GRAMD1B: variants seen among roughly 807,000 people sequenced by gnomAD.
GRAMD1B encodes the protein protein Aster-B.
In GRAMD1B, 37 loss-of-function variants were observed where a neutral mutation model predicts 99.7. The observed-to-expected ratio is 0.37, with a 90% confidence interval of 0.29 to 0.49. The LOEUF (loss-of-function observed/expected upper bound fraction) is 0.49. Ranked by LOEUF, GRAMD1B falls within the 20% of genes least tolerant of loss-of-function variation. The probability of loss-of-function intolerance (pLI) is 0.98; values close to 1 mark genes in which losing one functional copy is unlikely to be tolerated. For synonymous variants in GRAMD1B, 427 were observed against 387.6 expected (o/e 1.10, Z -1.19); for missense variants, 888 against 1,009.2 (o/e 0.88, Z 1.63).
At chr11:123,464,699 C>CCAAGGTGG (rs1950583930) in intron 1 of GRAMD1B, among the ~76,000 whole-genome samples, 1 of 152,030 alleles carries the variant, frequency 6.6e-6, no homozygotes, top group African/African-American at 2.4e-5. Flanking sequence ...TCTTATGCAG[C>CCAAGGTGG]CAAGGTGGTA....
Position 123,557,974 on chromosome 11 carries a change from C to T in GRAMD1B, c.453-19393C>T, listed in dbSNP as rs540799915. ...TTAATGGAGGAAAGGACATTCAGTG[C>T]AACTTTTTTTTTTTTTTTTTTTTTT... On this transcript the variant is annotated intron_variant, in intron 2 of 19. Coordinates refer to ENST00000635736, the MANE Select transcript of GRAMD1B (RefSeq NM_001387025.1). 3.1e-3 allele frequency among the ~76,000 whole-genome samples: 367 copies of T among 118,282 alleles called. 1 individual carries two copies. Among genetic ancestry groups the T allele is most frequent in the African/African-American group, 9.6e-3 (319 of 33,228 alleles). The allele number at this position is 118,282 out of a possible 152,430, so 77.6% of individuals were successfully genotyped here.
intron 3 of GRAMD1B, among the ~76,000 whole-genome samples, chr11:123,582,467 G>T (rs1410406299): frequency 6.6e-6 from 1 of 152,186 alleles, no homozygotes; most frequent in East Asian, 1.9e-4. Context: ...AAGATGGGAG[G>T]GTGTGGCCTC....
chr11:123,397,408 AAAAACAAAACAAAAC>A (rs148210099), intron 1 of GRAMD1B, among the ~76,000 whole-genome samples: 5 of 150,598 alleles, frequency 3.3e-5, no homozygotes, highest in African/African-American at 9.9e-5. Flanking sequence ...CTCTGTCTCA[AAAAACAAAACAAAAC>A]AAAACAAAAC....
chr11:123,473,156 C>T (rs977323023), intron 1 of GRAMD1B, among the ~76,000 whole-genome samples: 16 of 152,040 alleles, frequency 1.1e-4, no homozygotes, highest in Non-Finnish European at 1.3e-4. Flanking sequence ...CCTCTGCCTC[C>T]GGGTTCAAAC....
intron 2 of GRAMD1B, among the ~76,000 whole-genome samples, chr11:123,543,314 T>A (rs1030863231): frequency 4.6e-5 from 7 of 152,200 alleles, no homozygotes; most frequent in African/African-American, 1.7e-4. Context: ...AGTGAAAGAA[T>A]AAAAATATAC....
At chr11:123,388,579 T>G (rs957226615) in intron 1 of GRAMD1B, among the ~76,000 whole-genome samples, 9 of 151,846 alleles carry the variant, frequency 5.9e-5, no homozygotes, top group Admixed American at 1.3e-4. Flanking sequence ...GAGGCTGAGG[T>G]GGGAGGATCA....
intron 2 of GRAMD1B, among the ~76,000 whole-genome samples, chr11:123,539,809 T>G (rs749027964): frequency 1.8e-4 from 28 of 152,240 alleles, no homozygotes; most frequent in Non-Finnish European, 1.0e-4. Flanking sequence ...ATCTCTGCAG[T>G]ATTTAATTCT....
intron 2 of GRAMD1B, among the ~76,000 whole-genome samples, chr11:123,564,316 C>T (rs979393438): frequency 6.6e-5 from 10 of 152,232 alleles, no homozygotes; most frequent in African/African-American, 2.4e-4. Context: ...CTCAGAGATG[C>T]TACTGCTCTC....
intron 1 of GRAMD1B, among the ~76,000 whole-genome samples, chr11:123,464,112 G>A (rs1017003484): frequency 6.6e-6 from 1 of 151,740 alleles, no homozygotes; most frequent in African/African-American, 2.4e-5. Flanking sequence ...AGACCAGCCT[G>A]GGCAACAAAG....
intron 2 of GRAMD1B, among the ~76,000 whole-genome samples, chr11:123,567,542 T>C (rs1947523923): frequency 6.6e-6 from 1 of 152,214 alleles, no homozygotes. Context: ...ACTTATTTTG[T>C]TTTTGTAGGA....
intron 1 of GRAMD1B, among the ~76,000 whole-genome samples, chr11:123,406,210 T>C (rs11219131): frequency 0.25 from 37,679 of 151,470 alleles, 7,822 homozygotes; most frequent in African/African-American, 0.58. Context: ...GTGATCCTCC[T>C]AAAGTTCTGG....
At chr11:123,563,170 T>A (rs938895715) in intron 2 of GRAMD1B, among the ~76,000 whole-genome samples, 11 of 152,182 alleles carry the variant, frequency 7.2e-5, no homozygotes, top group African/African-American at 2.7e-4. Context: ...AAATTAGATT[T>A]GTTCTATGGC....
intron 1 of GRAMD1B, among the ~76,000 whole-genome samples, chr11:123,421,285 T>G (rs565500162): frequency 6.6e-6 from 1 of 152,366 alleles, no homozygotes; most frequent in South Asian, 2.1e-4. Context: ...CTTCTTGCTC[T>G]GTGTGGGCTT....
At chr11:123,615,604 G>T (rs1365388254) in intron 17 of GRAMD1B, among the ~76,000 whole-genome samples, 1 of 152,224 alleles carries the variant, frequency 6.6e-6, no homozygotes, top group African/African-American at 2.4e-5. Flanking sequence ...GAAGGAAGAT[G>T]CGCTACTGAT....
intron 1 of GRAMD1B, among the ~76,000 whole-genome samples, chr11:123,441,772 G>A (rs987310615): frequency 6.6e-6 from 1 of 151,764 alleles, no homozygotes; most frequent in Non-Finnish European, 1.5e-5. Flanking sequence ...CTCCAGCCTG[G>A]GCAACAGAGT....
chr11:123,526,294 G>A (rs1362669835), intron 2 of GRAMD1B: 2 of 819,916 alleles, frequency 2.4e-6, no homozygotes, highest in Non-Finnish European at 4.1e-6. Context: ...GGGTTAAGAT[G>A]TGGGGACTAG....
intron 1 of GRAMD1B, among the ~76,000 whole-genome samples, chr11:123,436,850 C>T (rs1314850117): frequency 6.6e-6 from 1 of 151,960 alleles, no homozygotes; most frequent in African/African-American, 2.4e-5. Flanking sequence ...TGTGCTGCAC[C>T]CATTAACTCG....
intron 2 of GRAMD1B, among the ~76,000 whole-genome samples, chr11:123,568,794 G>A (rs992633629): frequency 6.6e-6 from 1 of 152,196 alleles, no homozygotes; most frequent in East Asian, 1.9e-4. Flanking sequence ...TCTCAAAGCT[G>A]TTCTGGTCCC....
At chr11:123,499,739 T>A (rs1281672541) in intron 2 of GRAMD1B, among the ~76,000 whole-genome samples, 2 of 151,898 alleles carry the variant, frequency 1.3e-5, no homozygotes, top group African/African-American at 4.8e-5. Flanking sequence ...GCTGTGGGAG[T>A]AGAGGTTGTT....
Sources: allele counts gnomAD v4.1 joint callset (sites outside exome capture counted in the v4.1 genomes callset), GRCh38; gene constraint gnomAD v4.1.1; transcripts MANE v1.5; gene names NCBI Gene and HGNC (gene_info 2026-07-23, HGNC 2026-07-21).